LIMA1: variants seen among roughly 807,000 people sequenced by gnomAD.
The protein encoded by LIMA1 is LIM domain and actin-binding protein 1.
LIMA1 carries 52 observed loss-of-function variants against 62.6 expected under a neutral mutation model. The observed-to-expected ratio is 0.83, with a 90% CI of 0.67 to 1.05. The LOEUF is 1.05. LIMA1 is among the 50% of genes least tolerant of loss of function. The pLI, the probability that LIMA1 is intolerant of heterozygous loss-of-function variation, is 0.00. For synonymous variants in LIMA1, 302 were observed against 317.8 expected, an observed-to-expected ratio of 0.95 and a Z score of 0.53; for missense variants, 780 against 902.2, an observed-to-expected ratio of 0.86 and a Z score of 1.74.
At chr12:50,277,263 AAT>A (rs1942287208) in intron 1 of LIMA1, among the ~76,000 whole-genome samples, 4 of 150,586 alleles carry the variant, frequency 2.7e-5, no homozygotes, top group African/African-American at 9.9e-5. Context: ...AACCCCATTC[AAT>A]TTTTTTTTTA....
At chr12:50,185,449 C>G in intron 9 of LIMA1, 1 of 456,168 alleles carries the variant, frequency 2.2e-6, no homozygotes, top group Non-Finnish European at 4.4e-6. Context: ...GAGGCAGAAG[C>G]TGGAAGAGAC....
At chr12:50,180,803 A>G (rs1592490806) in intron 10 of LIMA1, among the ~76,000 whole-genome samples, 1 of 152,192 alleles carries the variant, frequency 6.6e-6, no homozygotes, top group Non-Finnish European at 1.5e-5. Flanking sequence ...AAACGGCAGC[A>G]CTTCCACAAA....
intron 10 of LIMA1, among the ~76,000 whole-genome samples, chr12:50,180,507 T>C (rs1295183744): frequency 6.6e-6 from 1 of 151,970 alleles, no homozygotes; most frequent in Non-Finnish European, 1.5e-5. Flanking sequence ...CTCTCTATGT[T>C]ACCCAGGCTA....
At chr12:50,221,977 G>A in intron 4 of LIMA1, 44 bp downstream of exon 4, 1 of 1,523,670 alleles carries the variant, frequency 6.6e-7, no homozygotes, top group African/African-American at 1.4e-5. Flanking sequence ...TTTGTTTAGT[G>A]CTTGAATTGG....
In LIMA1 at chr12:50,182,149, T is replaced by A. The variant is rs529134859; in HGVS notation, c.1141-112A>T. 7.6e-6 allele frequency: 9 copies of A among 1,177,530 alleles called. No homozygotes were observed. In the East Asian group the frequency reaches 1.7e-4, roughly 22 times the overall value. 72.9% of individuals were successfully genotyped at this position (1,177,530 alleles called of 1,614,324 possible). A position where few individuals can be genotyped will look rare whatever the true frequency, so the allele number is the denominator to read the frequency against. ...GGGCTCCCTTAGCTGGTCAGTCAAT[T>A]CTCATGGAGCACTAAACCTGCTACA... On this transcript the variant is annotated intron_variant, in intron 9 of 10. Coordinates refer to ENST00000341247, the MANE Select transcript of LIMA1 (RefSeq NM_016357.5).
At chr12:50,191,806 A>C (rs990896676) in intron 9 of LIMA1, among the ~76,000 whole-genome samples, 3 of 151,966 alleles carry the variant, frequency 2.0e-5, no homozygotes, top group Non-Finnish European at 4.4e-5. Flanking sequence ...TGGGCGACAG[A>C]GCGAGACTCT....
rs1941885140 is a variant in LIMA1 at position 50,248,659 on chromosome 12, T to C, written c.93A>G (p.Ser31=). The C allele has an allele frequency of 1.2e-6, 2 of 1,612,194 alleles. No homozygotes were observed. The highest frequency in any genetic ancestry group is 1.3e-5 in the African/African-American group (1 of 74,906). ...KELSLVNKNK[S]SAIVEIFSKY... ...TGGAGAATATTTCCACAATAGCCGA[T>C]GACTTGTTCTTGTTGACAAGAGAAA... The change falls in exon 2 of 11, where the codon TCA becomes TCG. Residue 31 remains serine, a synonymous_variant. Transcript: ENST00000341247.
Position 50,236,080 on chromosome 12 carries a change from G to A in LIMA1, c.120-4370C>T, listed in dbSNP as rs143851918. ...CTAGAGAGACTGAGGCACGAGAATC[G>A]CCTGAACCCGGGAGGTGGAGGTTGC... On this transcript the variant is annotated intron_variant, in intron 2 of 10. Transcript: ENST00000341247. Among the ~76,000 whole-genome samples the A allele has an allele frequency of 3.4e-3, 513 of 151,754 alleles. 3 individuals carry two copies. The highest frequency in any genetic ancestry group is 5.0e-3 in the Non-Finnish European group (340 of 67,924).
chr12:50,203,516 C>A (rs1019957527), intron 6 of LIMA1, among the ~76,000 whole-genome samples: 2 of 149,310 alleles, frequency 1.3e-5, no homozygotes, highest in African/African-American at 4.9e-5. Context: ...TGGGTTCCAG[C>A]GATTCTCCTG....
chr12:50,181,991 G>T lies in LIMA1; in HGVS notation c.1187C>A (p.Thr396Lys). 6.2e-7 allele frequency: 1 copy of T among 1,613,332 alleles called. No individual in the cohort carries two copies. The highest frequency in any genetic ancestry group is 1.1e-5 in the South Asian group (1 of 91,036). ...CAAGAGACGCTCCATTGGATAGACT[G>T]TCTTCTGACATTCCACGCAGGTCTC... ...ARETCVECQKTVYPMERLLAN... is the reference protein window; with the variant it reads ...ARETCVECQKKVYPMERLLAN... Residue 396 changes from threonine to lysine, a missense_variant, in exon 10 of 11, where the codon ACA (threonine) becomes AAA (lysine). By Grantham distance (78) the Thr-to-Lys change is moderately conservative. Coordinates refer to ENST00000341247, the MANE Select transcript of LIMA1 (RefSeq NM_016357.5).
chr12:50,267,974 C>T (rs1320977388), intron 1 of LIMA1, among the ~76,000 whole-genome samples: 1 of 152,074 alleles, frequency 6.6e-6, no homozygotes, highest in African/African-American at 2.4e-5. Flanking sequence ...TTTTTAACGA[C>T]ATTTATAAAT....
chr12:50,276,707 T>C (rs1942279516), intron 1 of LIMA1, among the ~76,000 whole-genome samples: 1 of 151,974 alleles, frequency 6.6e-6, no homozygotes, highest in Non-Finnish European at 1.5e-5. Flanking sequence ...CTGTCTCTAC[T>C]AAAAATACAA....
intron 1 of LIMA1, among the ~76,000 whole-genome samples, chr12:50,271,747 C>T (rs1276035456): frequency 6.6e-6 from 1 of 152,188 alleles, no homozygotes; most frequent in Non-Finnish European, 1.5e-5. Context: ...CATACTTTAA[C>T]ATCAGATGTA....
chr12:50,235,273 CTTTTTTT>C (rs1036341264), intron 2 of LIMA1, among the ~76,000 whole-genome samples: 2 of 124,370 alleles, frequency 1.6e-5, no homozygotes, highest in East Asian at 2.3e-4. Flanking sequence ...AATCCTATCA[CTTTTTTT>C]TTTTTTTTTT....
At chr12:50,260,401 G>A (rs1176629689) in intron 1 of LIMA1, among the ~76,000 whole-genome samples, 3 of 152,138 alleles carry the variant, frequency 2.0e-5, no homozygotes, top group South Asian at 2.1e-4. Flanking sequence ...CACCCGCCTC[G>A]GCCTCCCAAA....
intron 4 of LIMA1, chr12:50,217,905 CTTTTTTTTTTT>C (rs34408114): frequency 8.0e-6 from 1 of 124,596 alleles, no homozygotes; most frequent in Non-Finnish European, 1.6e-5. Flanking sequence ...AATTTCTTTT[CTTTTTTTTTTT>C]TTTTTTTTGA....
At position 50,196,413 on chromosome 12, in the gene LIMA1, C is replaced by T. The variant is rs187182156; in HGVS notation, c.973-526G>A. 8.7e-4 allele frequency among the ~76,000 whole-genome samples: 133 copies of T among 152,292 alleles called. 1 individual carries two copies. Among genetic ancestry groups the T allele is most frequent in the Admixed American group, 4.8e-3 (74 of 15,296 alleles). On this transcript the variant is annotated intron_variant, in intron 7 of 10. Transcript: ENST00000341247. ...ATAAAACAAATTTACCTAAAACTAA[C>T]CTCAGTATTATCTTTGAGGACAGTT...
intron 1 of LIMA1, among the ~76,000 whole-genome samples, chr12:50,262,737 T>A (rs1942087753): frequency 1.3e-5 from 2 of 152,194 alleles, no homozygotes. Context: ...GAGGATCACT[T>A]GAGCCCAGGA....
At chr12:50,275,449 C>T (rs1056319542) in intron 1 of LIMA1, among the ~76,000 whole-genome samples, 1 of 151,886 alleles carries the variant, frequency 6.6e-6, no homozygotes, top group African/African-American at 2.4e-5. Context: ...GGTTCTCATA[C>T]CTAAAAGGCT....
Sources: gnomAD v4.1 joint callset for allele counts (sites outside exome capture counted in the v4.1 genomes callset) on GRCh38, gnomAD v4.1.1 for gene constraint, MANE v1.5 for transcripts, NCBI Gene and HGNC (gene_info 2026-07-23, HGNC 2026-07-21) for gene names.